MARCHF1: variants seen among roughly 807,000 people sequenced by gnomAD.
MARCHF1 encodes membrane associated ring-CH-type finger 1, also known as E3 ubiquitin-protein ligase MARCHF1.
A neutral mutation model predicts 54.2 loss-of-function variants in MARCHF1; 40 were observed. The observed-to-expected ratio is 0.74, with a 90% CI of 0.57 to 0.96. The LOEUF is 0.96. MARCHF1 is among the 40% of genes least tolerant of loss of function. The pLI is 0.00. For missense variants in MARCHF1, 586 were observed against 656.5 expected (o/e 0.89, Z 1.17); for synonymous variants, 236 against 236.3 (o/e 1.00, Z 0.01).
At position 164,035,678 on chromosome 4, in the gene MARCHF1, C is replaced by CA. The variant is rs535701578; in HGVS notation, c.-247-46970dup. 5.7e-3 allele frequency among the ~76,000 whole-genome samples: 834 copies of CA among 145,876 alleles called. 7 individuals carry two copies. Among genetic ancestry groups the CA allele is most frequent in the South Asian group, 0.04 (183 of 4,558 alleles). ...ACAAAAATAGAAACATTCACACAGA[C>CA]AAAAAAAATAAATGTTTTTAATAAG... On this transcript the variant is annotated intron_variant, in intron 2 of 9. Coordinates refer to ENST00000514618, the MANE Select transcript of MARCHF1 (RefSeq NM_001394959.1).
intron 1 of MARCHF1, among the ~76,000 whole-genome samples, chr4:164,374,094 C>G (rs868030333): frequency 2.0e-5 from 3 of 152,184 alleles, no homozygotes; most frequent in Non-Finnish European, 4.4e-5. Flanking sequence ...TAAATGTTCA[C>G]ATTAGATGTG....
chr4:163,942,718 A>G (rs1751938054), intron 3 of MARCHF1, among the ~76,000 whole-genome samples: 1 of 152,070 alleles, frequency 6.6e-6, no homozygotes, highest in Non-Finnish European at 1.5e-5. Context: ...ATTCCTCCCC[A>G]TAGGGAGTTA....
At chr4:163,786,805 T>C (rs1480814301) in intron 4 of MARCHF1, among the ~76,000 whole-genome samples, 2 of 151,864 alleles carry the variant, frequency 1.3e-5, no homozygotes, top group African/African-American at 2.4e-5. Context: ...AAGAACAAAA[T>C]TAGTGGCCTC....
intron 1 of MARCHF1, among the ~76,000 whole-genome samples, chr4:164,219,192 T>C (rs1485160005): frequency 6.6e-6 from 1 of 150,446 alleles, no homozygotes; most frequent in East Asian, 1.9e-4. Context: ...AATATTGTTA[T>C]TATTAATCAT....
intron 1 of MARCHF1, among the ~76,000 whole-genome samples, chr4:164,205,187 G>C (rs974429681): frequency 2.0e-5 from 3 of 152,046 alleles, no homozygotes; most frequent in African/African-American, 7.2e-5. Context: ...GTTAGTAATT[G>C]ACAGAAAAGA....
intron 1 of MARCHF1, among the ~76,000 whole-genome samples, chr4:164,164,284 A>C (rs1297093480): frequency 6.6e-6 from 1 of 152,014 alleles, no homozygotes; most frequent in Non-Finnish European, 1.5e-5. Context: ...ATGAAAAGCC[A>C]TAGACCAAAA....
At chr4:163,721,424 G>A (rs1745453502) in intron 4 of MARCHF1, among the ~76,000 whole-genome samples, 1 of 151,908 alleles carries the variant, frequency 6.6e-6, no homozygotes, top group Admixed American at 6.6e-5. Context: ...TGCTGGATTT[G>A]GTTTGCCAGT....
At chr4:164,072,027 T>C (rs554282620) in intron 2 of MARCHF1, among the ~76,000 whole-genome samples, 1 of 150,138 alleles carries the variant, frequency 6.7e-6, no homozygotes, top group Non-Finnish European at 1.5e-5. Context: ...TTTTTTAACA[T>C]AGAAACCAAA....
intron 3 of MARCHF1, among the ~76,000 whole-genome samples, chr4:163,870,133 A>G (rs1750139491): frequency 6.6e-6 from 1 of 152,164 alleles, no homozygotes. Flanking sequence ...CTGGCTAAAC[A>G]GGATTTCTGT....
At chr4:164,128,629 A>T (rs1297434775) in intron 1 of MARCHF1, among the ~76,000 whole-genome samples, 1 of 152,202 alleles carries the variant, frequency 6.6e-6, no homozygotes, top group Non-Finnish European at 1.5e-5. Flanking sequence ...AATATTGGCA[A>T]GTTTTATGTT....
intron 1 of MARCHF1, among the ~76,000 whole-genome samples, chr4:164,328,975 G>A (rs1735356468): frequency 6.6e-6 from 1 of 151,982 alleles, no homozygotes; most frequent in Non-Finnish European, 1.5e-5. Flanking sequence ...TTTCCTGGGA[G>A]AACCACTAAT....
At chr4:163,625,197 T>A (rs1438192678) in intron 5 of MARCHF1, among the ~76,000 whole-genome samples, 2 of 152,214 alleles carry the variant, frequency 1.3e-5, no homozygotes, top group Admixed American at 1.3e-4. Flanking sequence ...TCCCTCAAGG[T>A]CCAGTGATGG....
chr4:163,967,085 C>G (rs1752456705), intron 3 of MARCHF1, among the ~76,000 whole-genome samples: 1 of 152,074 alleles, frequency 6.6e-6, no homozygotes, highest in South Asian at 2.1e-4. Flanking sequence ...CTACTGCACT[C>G]AGAGAATACA....
intron 2 of MARCHF1, among the ~76,000 whole-genome samples, chr4:164,094,369 T>C (rs967447600): frequency 1.3e-5 from 2 of 152,016 alleles, no homozygotes; most frequent in African/African-American, 4.8e-5. Flanking sequence ...ACAGGGACAA[T>C]AGAGAATTAC....
chr4:164,320,808 G>A (rs1214650989), intron 1 of MARCHF1, among the ~76,000 whole-genome samples: 1 of 151,968 alleles, frequency 6.6e-6, no homozygotes, highest in Non-Finnish European at 1.5e-5. Context: ...GGGGGGAGTG[G>A]GGCTGGGGGG....
intron 3 of MARCHF1, among the ~76,000 whole-genome samples, chr4:163,975,261 TG>T (rs1356912213): frequency 6.6e-6 from 1 of 151,734 alleles, no homozygotes; most frequent in African/African-American, 2.4e-5. Flanking sequence ...TTGACAACTC[TG>T]ACTAATGCAG....
At chr4:163,664,483 A>G (rs1208840993) in intron 5 of MARCHF1, among the ~76,000 whole-genome samples, 1 of 152,110 alleles carries the variant, frequency 6.6e-6, no homozygotes, top group African/African-American at 2.4e-5. Flanking sequence ...CTTTGAAGAA[A>G]TGGAGGAGAT....
Position 163,535,402 on chromosome 4 carries a change from A to T in MARCHF1, c.1340-6356T>A, listed in dbSNP as rs965869928. Reference sequence around the variant, plus strand: ...CTTCTTCTCCCCCTTTTGCTATTTCATGCCAAAGGTGAGCTTATTACCCAA... The same window carrying T: ...CTTCTTCTCCCCCTTTTGCTATTTCTTGCCAAAGGTGAGCTTATTACCCAA... On this transcript the variant is annotated intron_variant, in intron 9 of 9. Transcript: ENST00000514618. Among the ~76,000 whole-genome samples, 11 of 152,216 alleles carry T rather than the reference A, an allele frequency of 7.2e-5. No individual in the cohort carries two copies. In the East Asian group the frequency reaches 2.1e-3, roughly 29 times the overall value.
chr4:163,813,470 A>T (rs1245933928), intron 4 of MARCHF1, among the ~76,000 whole-genome samples: 1 of 152,194 alleles, frequency 6.6e-6, no homozygotes, highest in African/African-American at 2.4e-5. Flanking sequence ...TTTGGGTAAC[A>T]CAACCAGAAT....
Sources: gnomAD v4.1 joint callset for allele counts (sites outside exome capture counted in the v4.1 genomes callset) on GRCh38, gnomAD v4.1.1 for gene constraint, MANE v1.5 for transcripts, NCBI Gene and HGNC (gene_info 2026-07-23, HGNC 2026-07-21) for gene names.